The following PPP1R9B variants were observed in gnomAD, a reference collection of about 807,000 sequenced individuals.
PPP1R9B encodes protein phosphatase 1 regulatory subunit 9B.
In PPP1R9B, 17 loss-of-function variants were observed where a neutral mutation model predicts 75.8. The ratio of observed to expected loss-of-function variants is 0.22; its 90% CI spans 0.15 to 0.34. PPP1R9B has a LOEUF of 0.34. PPP1R9B is among the 10% of genes least tolerant of loss of function. PPP1R9B has a pLI of 1.00. For missense variants in PPP1R9B, 875 were observed against 1,196.0 expected, an observed-to-expected ratio of 0.73 and a Z score of 3.96; for synonymous variants, 509 against 535.4, an observed-to-expected ratio of 0.95 and a Z score of 0.68.
chr17:50,143,689 C>A lies in PPP1R9B; in HGVS notation c.1534G>T (p.Gly512Cys). ...DSEGLGISII[G>C]MGAGADMGLE... Reference sequence around the variant, plus strand: ...CCCATGTCTGCCCCGGCGCCCATGCCGATGATGCTGATGCCCAGGCCCTCG... The same window carrying A: ...CCCATGTCTGCCCCGGCGCCCATGCAGATGATGCTGATGCCCAGGCCCTCG... Residue 512 changes from glycine to cysteine, a missense_variant, in exon 3 of 10, where the codon GGC becomes TGC. Gly to Cys is a radical substitution (Grantham distance 159). This residue lies in a region of PPP1R9B where 63 missense variants were observed against 160.2 expected (regional missense o/e 0.39). Transcript: ENST00000612501. 1 of 1,613,956 alleles carries A rather than the reference C, an allele frequency of 6.2e-7. No homozygotes were observed. Among genetic ancestry groups the A allele is most frequent in the Non-Finnish European group, 8.5e-7 (1 of 1,179,880 alleles).
rs776301591 is a variant in PPP1R9B at position 50,135,609 on chromosome 17, C to G, written c.2344G>C (p.Val782Leu). ...CTGGCCAGCTCCGACTCCTCCAGAACCCGACGCTGTGCAGTCTCCTTTTTC... is the reference window on the plus strand; with the variant it reads ...CTGGCCAGCTCCGACTCCTCCAGAAGCCGACGCTGTGCAGTCTCCTTTTTC... The part of the protein sequence containing the change: ...FLKKETAQRR[V>L]LEESELARKE... Residue 782 changes from valine (V) to leucine (L), a missense_variant, in exon 9 of 10, where the codon GTT (valine) becomes CTT (leucine). Around this residue, in one of 4 missense-constraint regions of PPP1R9B, gnomAD observed 218 missense variants for 334.6 expected, o/e 0.65. Coordinates refer to ENST00000612501, the MANE Select transcript of PPP1R9B (RefSeq NM_032595.5). 15 of 1,611,094 alleles carry G rather than the reference C, an allele frequency of 9.3e-6. No individual in the cohort carries two copies. Among genetic ancestry groups the G allele is most frequent in the Middle Eastern group, 3.3e-4 (2 of 6,078 alleles).
intron 2 of PPP1R9B, among the ~76,000 whole-genome samples, chr17:50,143,950 C>T (rs1912451628): frequency 6.6e-6 from 1 of 152,190 alleles, no homozygotes; most frequent in South Asian, 2.1e-4. Flanking sequence ...GGCAGAAGAG[C>T]GTGCCAAGGG....
In PPP1R9B at chr17:50,149,084, G is replaced by C; in HGVS notation, c.1371+59C>G. ...ACCCGGCTGGCTGGCTGGCGAGCGG[G>C]GGCGGCCGCGTGCACGTGGCAGGGG... On this transcript the variant is annotated intron_variant, in intron 1 of 9. Transcript: ENST00000612501. This position sits in a 1 kb window ranked among gnomAD's most constrained non-coding sequence, Gnocchi z 7.2. 7.8e-7 allele frequency: 1 copy of C among 1,284,992 alleles called. No individual in the cohort carries two copies. Among genetic ancestry groups the C allele is most frequent in the Non-Finnish European group, 1.0e-6 (1 of 985,882 alleles). 79.6% of individuals were successfully genotyped at this position (1,284,992 alleles called of 1,614,324 possible).
chr17:50,140,447 C>A lies in PPP1R9B; in HGVS notation c.1731-219G>T, dbSNP rs1472991974. 5 of 622,698 alleles carry A rather than the reference C, an allele frequency of 8.0e-6. No individual in the cohort carries two copies. The East Asian group carries it at 1.1e-4, about 14-fold the overall frequency. 38.6% of individuals were successfully genotyped at this position (622,698 alleles called of 1,614,324 possible). Reference sequence around the variant, plus strand: ...CAGGAAGGCCCATTCACCCCTCTGGCCAGTATTGCGGGAGGGAGAATGTCA... The same window carrying A: ...CAGGAAGGCCCATTCACCCCTCTGGACAGTATTGCGGGAGGGAGAATGTCA... On this transcript the variant is annotated intron_variant, in intron 4 of 9. Coordinates refer to ENST00000612501, the MANE Select transcript of PPP1R9B (RefSeq NM_032595.5).
rs1397541935 is a variant in PPP1R9B, at chr17:50,149,491, G to C, written c.1023C>G (p.Pro341=). ...CTTGGGCCTTTGGCTCCTCGGGCGC[G>C]GGGCTGGCTGCAGTTGCCACGGTGC... ...NGSTVATAAS[P]APEEPKAQAA... The change falls in exon 1 of 10, where the codon CCC becomes CCG. Residue 341 remains proline, a synonymous_variant. Transcript: ENST00000612501. The surrounding 1 kb of genome is among the most constrained non-coding windows in gnomAD (Gnocchi z 7.2). The C allele has an allele frequency of 8.1e-6, 13 of 1,597,748 alleles. No individual in the cohort carries two copies. Among genetic ancestry groups the C allele is most frequent in the East Asian group, 2.3e-5 (1 of 43,828 alleles).
At chr17:50,145,795 G>A (rs1269685498) in intron 1 of PPP1R9B, among the ~76,000 whole-genome samples, 3 of 151,984 alleles carry the variant, frequency 2.0e-5, no homozygotes, top group African/African-American at 7.3e-5. Context: ...GAAGGGGAGA[G>A]GTACCCAGGA....
At chr17:50,138,066 A>G (rs778885478) in intron 7 of PPP1R9B, among the ~76,000 whole-genome samples, 11 of 152,166 alleles carry the variant, frequency 7.2e-5, no homozygotes, top group Non-Finnish European at 1.5e-4. Context: ...GAGGCCCCAT[A>G]CAGACTTTTA....
intron 1 of PPP1R9B, among the ~76,000 whole-genome samples, chr17:50,146,978 C>T (rs1912533035): frequency 6.6e-6 from 1 of 152,186 alleles, no homozygotes; most frequent in African/African-American, 2.4e-5. Flanking sequence ...CTAGGAGACA[C>T]GGTCCCTTCA....
chr17:50,147,787 G>A (rs1002777677), intron 1 of PPP1R9B, among the ~76,000 whole-genome samples: 4 of 152,146 alleles, frequency 2.6e-5, no homozygotes, highest in Non-Finnish European at 4.4e-5. Context: ...CAGCCCAGGG[G>A]AGAGGCTGGC....
Position 50,150,316 on chromosome 17 carries a change from C to T in PPP1R9B, c.198G>A (p.Thr66=), listed in dbSNP as rs367543206. ...CCGCCTCGCCCGAGGGCCCCGCCGT[C>T]GTGCCCATCTGCAGGAACATACTTT... ...RIKSMFLQMG[T]TAGPSGEAGG... is the part of the protein sequence containing the mutation. Residue 66 remains threonine (T), a synonymous_variant, in exon 1 of 10, where the codon ACG becomes ACA. Transcript: ENST00000612501. The surrounding 1 kb of genome is among the most constrained non-coding windows in gnomAD (Gnocchi z 8.7). 1 of 1,447,430 alleles carries T rather than the reference C, an allele frequency of 6.9e-7. No individual in the cohort carries two copies. The allele number at this position is 1,447,430 out of a possible 1,614,324, so 89.7% of individuals were successfully genotyped here.
intron 3 of PPP1R9B, among the ~76,000 whole-genome samples, chr17:50,141,781 G>A (rs1287480831): frequency 6.6e-6 from 1 of 152,172 alleles, no homozygotes; most frequent in African/African-American, 2.4e-5. Flanking sequence ...CACAAGGCCA[G>A]AGGATTAAGT....
rs1912189863 is a variant in PPP1R9B at position 50,135,224 on chromosome 17, G to A, written c.*107C>T. 1 of 896,548 alleles carries A rather than the reference G, an allele frequency of 1.1e-6. No homozygotes were observed. The highest frequency in any genetic ancestry group is 1.8e-6 in the Non-Finnish European group (1 of 563,230). 55.5% of individuals were successfully genotyped at this position (896,548 alleles called of 1,614,324 possible). A position where few individuals can be genotyped will look rare whatever the true frequency, so the allele number is the denominator to read the frequency against. On this transcript the variant is annotated 3_prime_UTR_variant, in exon 10 of 10. Coordinates refer to ENST00000612501, the MANE Select transcript of PPP1R9B (RefSeq NM_032595.5). ...TGGGGTGGAGGGGTGGGGGGAGTCG[G>A]GGCACCTGTCCCCAGGCTGGAAGGG... is the stretch of plus-strand genomic sequence containing the variant.
At chr17:50,145,295 G>C (rs920146654) in intron 1 of PPP1R9B, 50 bp from the exon 2 acceptor site, 1 of 1,607,650 alleles carries the variant, frequency 6.2e-7, no homozygotes, top group African/African-American at 1.3e-5. Context: ...GACAAGTGCA[G>C]AACTGGCATG....
intron 3 of PPP1R9B, among the ~76,000 whole-genome samples, chr17:50,141,851 T>C (rs1198707448): frequency 6.6e-6 from 1 of 152,116 alleles, no homozygotes; most frequent in Non-Finnish European, 1.5e-5. Flanking sequence ...GACACAGGCG[T>C]CCAGGACCAG....
rs1487443251 is a variant in PPP1R9B, at chr17:50,149,060, C to A, written c.1371+83G>T. The stretch of plus-strand genomic sequence containing the variant: ...GCAGGGGCTGACTCAGCCTGCCAAA[C>A]CCGGCTGGCTGGCTGGCGAGCGGGG... On this transcript the variant is annotated intron_variant, in intron 1 of 9. Coordinates refer to ENST00000612501, the MANE Select transcript of PPP1R9B (RefSeq NM_032595.5). This position sits in a 1 kb window ranked among gnomAD's most constrained non-coding sequence, Gnocchi z 7.2. 5 of 1,096,454 alleles carry A rather than the reference C, an allele frequency of 4.6e-6. No homozygotes were observed. The East Asian group carries it at 1.5e-4, about 33-fold the overall frequency. 67.9% of individuals were successfully genotyped at this position (1,096,454 alleles called of 1,614,324 possible).
intron 3 of PPP1R9B, among the ~76,000 whole-genome samples, chr17:50,143,068 AC>A (rs1489577162): frequency 1.3e-5 from 2 of 151,928 alleles, no homozygotes; most frequent in Non-Finnish European, 2.9e-5. Context: ...GAGAGATTAA[AC>A]CCTCCTGTTG....
chr17:50,149,904 C>A lies in PPP1R9B; in HGVS notation c.610G>T (p.Val204Leu), dbSNP rs548784451. 12 of 1,506,784 alleles carry A rather than the reference C, an allele frequency of 8.0e-6. No individual in the cohort carries two copies. Among genetic ancestry groups the A allele is most frequent in the Non-Finnish European group, 1.1e-5 (12 of 1,135,066 alleles). The allele number at this position is 1,506,784 out of a possible 1,614,324, so 93.3% of individuals were successfully genotyped here. A position where few individuals can be genotyped will look rare whatever the true frequency, so the allele number is the denominator to read the frequency against. Residue 204 changes from valine to leucine, a missense_variant, in exon 1 of 10, where the codon GTG becomes TTG. Physicochemically the swap from Val to Leu is conservative, Grantham distance 32. This residue lies in a region of PPP1R9B where 449 missense variants were observed against 475.0 expected (regional missense o/e 0.95). Coordinates refer to ENST00000612501, the MANE Select transcript of PPP1R9B (RefSeq NM_032595.5). This position sits in a 1 kb window ranked among gnomAD's most constrained non-coding sequence, Gnocchi z 7.2. Reference protein sequence around the residue: ...EALDKLDADAVSPTVSQLSAV... With the variant: ...EALDKLDADALSPTVSQLSAV... ...CTGAGCTGGCTGACCGTGGGGGACA[C>A]GGCGTCAGCGTCCAGCTTGTCCAGC...
In PPP1R9B at chr17:50,147,631, C is replaced by T. The variant is rs564370653; in HGVS notation, c.1371+1512G>A. Among the ~76,000 whole-genome samples the T allele has an allele frequency of 1.6e-4, 24 of 152,188 alleles. No individual in the cohort carries two copies. In the South Asian group the frequency reaches 5.0e-3, roughly 32 times the overall value. On this transcript the variant is annotated intron_variant, in intron 1 of 9. Transcript: ENST00000612501. ...GACCAAACTCCAACTCTGAGGGAAT[C>T]GGACTTCTCGCAAAATTAGTGGGGG...
At position 50,135,950 on chromosome 17, in the gene PPP1R9B, C is replaced by A. The variant is rs1305512874; in HGVS notation, c.2303+18G>T. 1 of 1,494,746 alleles carries A rather than the reference C, an allele frequency of 6.7e-7. No homozygotes were observed. The highest frequency in any genetic ancestry group is 1.2e-5 in the South Asian group (1 of 82,700). 92.6% of individuals were successfully genotyped at this position (1,494,746 alleles called of 1,614,324 possible). ...CAATGCTCCCTGGGCCCAGCCCGCC[C>A]AGCCCCCAGCCACGTACTTCTGCTG... is the stretch of plus-strand genomic sequence containing the variant. On this transcript the variant is annotated intron_variant, in intron 8 of 9. Transcript: ENST00000612501.
Sources: allele counts gnomAD v4.1 joint callset (sites outside exome capture counted in the v4.1 genomes callset), GRCh38; gene constraint gnomAD v4.1.1; regional missense constraint gnomAD v4.1.1; non-coding constraint Gnocchi (gnomAD v3.1); transcripts MANE v1.5; gene names NCBI Gene and HGNC (gene_info 2026-07-23, HGNC 2026-07-21).